The following LRRC4C variants were observed in gnomAD, a reference collection of about 807,000 sequenced individuals.
The protein encoded by LRRC4C is leucine-rich repeat-containing protein 4C.
A neutral mutation model predicts 33.6 loss-of-function variants in LRRC4C; 5 were observed. That is an observed-to-expected ratio of 0.15 (90% CI 0.08 to 0.31). The LOEUF is 0.31. Ranked by LOEUF, LRRC4C falls within the 10% of genes least tolerant of loss-of-function variation. LRRC4C has a pLI of 1.00. For missense variants in LRRC4C, 560 were observed against 796.7 expected, an observed-to-expected ratio of 0.70 and a Z score of 3.58; for synonymous variants, 329 against 302.0, an observed-to-expected ratio of 1.09 and a Z score of -0.93.
chr11:41,157,116 T>A (rs1944266875), intron 1 of LRRC4C, among the ~76,000 whole-genome samples: 1 of 152,148 alleles, frequency 6.6e-6, no homozygotes, highest in Non-Finnish European at 1.5e-5. Context: ...GATCTTGGGC[T>A]TCCCAGCTTC....
intron 2 of LRRC4C, among the ~76,000 whole-genome samples, chr11:40,692,250 T>G (rs1275924978): frequency 4.0e-5 from 6 of 151,776 alleles, no homozygotes; most frequent in Non-Finnish European, 5.9e-5. Flanking sequence ...ATAATAGCCT[T>G]GTTGACAATG....
chr11:40,990,240 T>G lies in LRRC4C; in HGVS notation c.-495-56517A>C, dbSNP rs1423252999. Among the ~76,000 whole-genome samples the G allele has an allele frequency of 3.0e-3, 312 of 102,316 alleles. 2 individuals carry two copies. Among genetic ancestry groups the G allele is most frequent in the African/African-American group, 0.013 (291 of 21,948 alleles). The allele number at this position is 102,316 out of a possible 152,430, so 67.1% of individuals were successfully genotyped here. ...AATAGTATGTCAAGTTTTATATATA[T>G]ATATATATATATATATATATATATA... On this transcript the variant is annotated intron_variant, in intron 1 of 6. Coordinates refer to ENST00000528697, the MANE Select transcript of LRRC4C (RefSeq NM_001258419.2).
At chr11:40,768,393 A>C (rs1037864350) in intron 2 of LRRC4C, among the ~76,000 whole-genome samples, 1 of 152,100 alleles carries the variant, frequency 6.6e-6, no homozygotes, top group African/African-American at 2.4e-5. Context: ...CACTTAAAGA[A>C]AAACTAATAC....
chr11:40,357,687 C>G (rs1043237839), intron 3 of LRRC4C, among the ~76,000 whole-genome samples: 1 of 152,160 alleles, frequency 6.6e-6, no homozygotes, highest in Non-Finnish European at 1.5e-5. Flanking sequence ...CTCTCTCTCT[C>G]TCTCATATGC....
chr11:40,454,076 T>G (rs948145113), intron 3 of LRRC4C, among the ~76,000 whole-genome samples: 9 of 152,196 alleles, frequency 5.9e-5, no homozygotes, highest in African/African-American at 2.2e-4. Context: ...ATCTTCTATC[T>G]TTAACACTTT....
chr11:40,939,341 T>C (rs896166133), intron 1 of LRRC4C, among the ~76,000 whole-genome samples: 5 of 152,184 alleles, frequency 3.3e-5, no homozygotes, highest in African/African-American at 1.2e-4. Context: ...TTATAAATAA[T>C]TATTAGAAGA....
chr11:41,267,356 C>T (rs1949184112), intron 1 of LRRC4C, among the ~76,000 whole-genome samples: 1 of 152,036 alleles, frequency 6.6e-6, no homozygotes, highest in Non-Finnish European at 1.5e-5. Flanking sequence ...ACGTAAATAA[C>T]TTTTAAATCA....
intron 2 of LRRC4C, among the ~76,000 whole-genome samples, chr11:40,774,475 G>T (rs1465785761): frequency 6.6e-6 from 1 of 152,092 alleles, no homozygotes; most frequent in East Asian, 1.9e-4. Flanking sequence ...TTCTGCATTT[G>T]TTAGGATAAT....
rs1021427805 is a variant in LRRC4C at position 41,003,704 on chromosome 11, G to A, written c.-495-69981C>T. Among the ~76,000 whole-genome samples the A allele has an allele frequency of 1.1e-4, 16 of 151,624 alleles. 1 individual carries two copies. Among genetic ancestry groups the A allele is most frequent in the Admixed American group, 9.9e-4 (15 of 15,168 alleles). ...CAAGGGAGAGAAGAGACATCATGAG[G>A]TCATCTGGTATGCCTTCATAAATAC... is the stretch of plus-strand genomic sequence containing the variant. On this transcript the variant is annotated intron_variant, in intron 1 of 6. Coordinates refer to ENST00000528697, the MANE Select transcript of LRRC4C (RefSeq NM_001258419.2).
intron 5 of LRRC4C, among the ~76,000 whole-genome samples, chr11:40,219,157 T>G (rs1291119184): frequency 2.0e-5 from 3 of 152,184 alleles, no homozygotes; most frequent in Non-Finnish European, 4.4e-5. Context: ...CTATTCAAAT[T>G]GAAATTTAAA....
chr11:41,423,134 T>C (rs899679144), intron 1 of LRRC4C, among the ~76,000 whole-genome samples: 1 of 152,112 alleles, frequency 6.6e-6, no homozygotes, highest in Non-Finnish European at 1.5e-5. Flanking sequence ...ATGACTAACA[T>C]GAATTTTTAA....
intron 2 of LRRC4C, among the ~76,000 whole-genome samples, chr11:40,760,863 G>GTATGTATATTATATATAATA (rs1949179060): frequency 6.9e-6 from 1 of 144,498 alleles, no homozygotes; most frequent in Non-Finnish European, 1.5e-5. Context: ...ATGTATATAT[G>GTATGTATATTATATATAATA]TATGTATATT....
At chr11:40,943,647 T>A (rs1592149390) in intron 1 of LRRC4C, among the ~76,000 whole-genome samples, 1 of 152,164 alleles carries the variant, frequency 6.6e-6, no homozygotes, top group East Asian at 1.9e-4. Flanking sequence ...TATTTGAAAT[T>A]GTTTTCTGTG....
At chr11:40,602,773 G>A (rs1960154331) in intron 3 of LRRC4C, among the ~76,000 whole-genome samples, 1 of 152,154 alleles carries the variant, frequency 6.6e-6, no homozygotes, top group African/African-American at 2.4e-5. Context: ...CGAAACAGCA[G>A]GTACAGTGTT....
chr11:41,415,017 T>A (rs1198453632), intron 1 of LRRC4C, among the ~76,000 whole-genome samples: 1 of 152,110 alleles, frequency 6.6e-6, no homozygotes, highest in Non-Finnish European at 1.5e-5. Context: ...CAATTAAAAC[T>A]TGAAAAAGTA....
intron 1 of LRRC4C, among the ~76,000 whole-genome samples, chr11:41,102,908 G>A (rs1941278909): frequency 6.6e-6 from 1 of 151,950 alleles, no homozygotes; most frequent in Non-Finnish European, 1.5e-5. Context: ...ATGTGAAAAT[G>A]AAGGTGCTGA....
At chr11:41,096,935 T>C (rs898255563) in intron 1 of LRRC4C, among the ~76,000 whole-genome samples, 7 of 152,186 alleles carry the variant, frequency 4.6e-5, no homozygotes, top group Non-Finnish European at 8.8e-5. Flanking sequence ...GATTACAGTT[T>C]CCAGGTTAGT....
chr11:40,229,309 A>G (rs1018533755), intron 5 of LRRC4C, among the ~76,000 whole-genome samples: 1 of 151,792 alleles, frequency 6.6e-6, no homozygotes, highest in Non-Finnish European at 1.5e-5. Context: ...GTCTCATTCC[A>G]TTGCCCAGGC....
intron 4 of LRRC4C, among the ~76,000 whole-genome samples, chr11:40,301,901 T>A (rs1010552052): frequency 2.6e-5 from 4 of 152,216 alleles, no homozygotes; most frequent in Non-Finnish European, 5.9e-5. Flanking sequence ...TGCTGTAGAC[T>A]TATGAAAAAA....
Sources: allele counts gnomAD v4.1 joint callset (sites outside exome capture counted in the v4.1 genomes callset), GRCh38; gene constraint gnomAD v4.1.1; transcripts MANE v1.5; gene names NCBI Gene and HGNC (gene_info 2026-07-23, HGNC 2026-07-21).